The following CEP83 variants were observed in gnomAD, a reference collection of about 807,000 sequenced individuals.
CEP83 encodes the protein centrosomal protein of 83 kDa.
A neutral mutation model predicts 101.9 loss-of-function variants in CEP83; 70 were observed. The ratio of observed to expected loss-of-function variants is 0.69; its 90% confidence interval spans 0.57 to 0.84. The LOEUF (loss-of-function observed/expected upper bound fraction) is 0.84. Among genes scored for constraint, CEP83 ranks in the 40% least tolerant of loss-of-function variants. CEP83 has a pLI of 0.00. For missense variants in CEP83, 715 were observed against 787.2 expected (o/e 0.91, Z 1.10); for synonymous variants, 264 against 267.9 (o/e 0.99, Z 0.14).
At chr12:94,422,752 G>A (rs2064858690) in intron 2 of CEP83, among the ~76,000 whole-genome samples, 1 of 152,210 alleles carries the variant, frequency 6.6e-6, no homozygotes, top group South Asian at 2.1e-4. Context: ...AAATAGCTGT[G>A]AGATTCACCT....
At chr12:94,402,800 G>A (rs1354951883) in intron 5 of CEP83, 1 of 154,344 alleles carries the variant, frequency 6.5e-6, no homozygotes, top group East Asian at 1.9e-4. Flanking sequence ...TTGGGAGGCT[G>A]AAGCAAGAGA....
chr12:94,456,803 T>A (rs539124863), intron 1 of CEP83, among the ~76,000 whole-genome samples: 1 of 152,286 alleles, frequency 6.6e-6, no homozygotes, highest in African/African-American at 2.4e-5. Context: ...CAAAGCCTAA[T>A]CATATCAGTC....
the CEP83 span, among the ~76,000 whole-genome samples, chr12:94,274,215 G>A: frequency 1.4e-5 from 2 of 146,640 alleles, no homozygotes; most frequent in Admixed American, 1.4e-4. Flanking sequence ...GTGTGCACCT[G>A]TAGTCTCTGC....
intron 14 of CEP83, among the ~76,000 whole-genome samples, chr12:94,320,799 C>A (rs1159570995): frequency 1.3e-5 from 2 of 152,016 alleles, no homozygotes; most frequent in Non-Finnish European, 2.9e-5. Context: ...GGTGACCTGC[C>A]CTTTTTCTCC....
chr12:94,457,292 C>T (rs1458700115), intron 1 of CEP83, among the ~76,000 whole-genome samples: 3 of 152,158 alleles, frequency 2.0e-5, no homozygotes, highest in South Asian at 2.1e-4. Flanking sequence ...CACAGATTTA[C>T]ACACATTCCC....
intron 11 of CEP83, among the ~76,000 whole-genome samples, chr12:94,340,689 G>A (rs548848742): frequency 2.8e-4 from 43 of 152,254 alleles, no homozygotes; most frequent in Admixed American, 1.1e-3. Context: ...CACCCGCCTC[G>A]GCCTCCCAAA....
At chr12:94,322,132 T>A (rs932996539) in intron 14 of CEP83, among the ~76,000 whole-genome samples, 5 of 150,932 alleles carry the variant, frequency 3.3e-5, no homozygotes, top group Non-Finnish European at 5.9e-5. Flanking sequence ...TAGTGAGGAG[T>A]AACAGGATCA....
chr12:94,368,696 T>C (rs1313921258), intron 9 of CEP83: 1 of 152,324 alleles, frequency 6.6e-6, no homozygotes, highest in Non-Finnish European at 1.5e-5. Flanking sequence ...TTCAGAAATC[T>C]TTGCAATGAA....
At chr12:94,416,610 C>G (rs1307064770) in intron 2 of CEP83, among the ~76,000 whole-genome samples, 1 of 150,610 alleles carries the variant, frequency 6.6e-6, no homozygotes, top group Admixed American at 6.6e-5. Context: ...CCCATCCACA[C>G]AAGCAAAGAT....
chr12:94,280,310 C>T, the CEP83 span: 16,789 of 156,394 alleles, frequency 0.11, 1,008 homozygotes, highest in Admixed American at 0.15. Context: ...AGGAGACTGT[C>T]GTGGGATTTT....
chr12:94,414,098 A>G (rs1296183762), intron 2 of CEP83, among the ~76,000 whole-genome samples: 4 of 152,202 alleles, frequency 2.6e-5, no homozygotes, highest in Non-Finnish European at 5.9e-5. Flanking sequence ...ATTTTAATAC[A>G]GAGGGAAAAG....
At chr12:94,274,155 T>TTAAAAAAAAA in the CEP83 span, among the ~76,000 whole-genome samples, 1 of 45,376 alleles carries the variant, frequency 2.2e-5, no homozygotes, top group African/African-American at 1.2e-4. Context: ...ACCCTGTCTC[T>TTAAAAAAAAA]AAAAAAAAAA....
intron 2 of CEP83, among the ~76,000 whole-genome samples, chr12:94,416,792 C>T (rs111888874): frequency 2.0e-5 from 3 of 152,156 alleles, no homozygotes; most frequent in South Asian, 2.1e-4. Context: ...TTTCACCCCC[C>T]ACCAAGAGTA....
chr12:94,355,396 G>C (rs777957716), intron 11 of CEP83, among the ~76,000 whole-genome samples: 8 of 152,142 alleles, frequency 5.3e-5, no homozygotes, highest in Non-Finnish European at 7.3e-5. Flanking sequence ...AGGAGGCTGA[G>C]GCGGGAGAAT....
intron 4 of CEP83, among the ~76,000 whole-genome samples, chr12:94,410,338 T>G (rs1159756947): frequency 6.6e-6 from 1 of 152,234 alleles, no homozygotes; most frequent in South Asian, 2.1e-4. Flanking sequence ...ACAACTCTTG[T>G]TAAGCAGAAA....
chr12:94,283,342 G>T, the CEP83 span, among the ~76,000 whole-genome samples: 4 of 152,290 alleles, frequency 2.6e-5, no homozygotes, highest in East Asian at 7.7e-4. Flanking sequence ...TGTTAGACTA[G>T]TCAAAACTTG....
chr12:94,380,080 A>C (rs1396835339), intron 6 of CEP83, among the ~76,000 whole-genome samples: 1 of 150,396 alleles, frequency 6.6e-6, no homozygotes, highest in Non-Finnish European at 1.5e-5. Flanking sequence ...GCAAAAAAAA[A>C]AAAAAAAAAA....
downstream of CEP83, among the ~76,000 whole-genome samples, chr12:94,301,995 AC>A (rs1193703505): frequency 6.6e-6 from 1 of 151,962 alleles, no homozygotes; most frequent in Admixed American, 6.6e-5. Context: ...TCCCGTCCCT[AC>A]TGGGATAACT....
Position 94,412,546 on chromosome 12 carries a change from CCA to C in CEP83, c.-58_-57del. The C allele has an allele frequency of 4.0e-6, 6 of 1,517,324 alleles. No individual in the cohort carries two copies. The highest frequency in any genetic ancestry group is 5.4e-6 in the Non-Finnish European group (6 of 1,104,520). The allele number at this position is 1,517,324 out of a possible 1,614,324, so 94.0% of individuals were successfully genotyped here. On this transcript the variant is annotated 5_prime_UTR_variant, in exon 3 of 17. Coordinates refer to ENST00000397809, the MANE Select transcript of CEP83 (RefSeq NM_016122.3). ...TTAGTTTTCTTTCCAAGGGTATTTC[CCA>C]CTCCTTTCTTGCTAAGGCAGAATCT...
Sources: allele counts gnomAD v4.1 joint callset (sites outside exome capture counted in the v4.1 genomes callset), GRCh38; gene constraint gnomAD v4.1.1; transcripts MANE v1.5; gene names NCBI Gene and HGNC (gene_info 2026-07-23, HGNC 2026-07-21).